The following LCMT1 variants were observed in gnomAD, a reference collection of about 807,000 sequenced individuals.
The protein encoded by LCMT1 is [Phosphatase 2A protein]-leucine-carboxy methyltransferase 1.
A neutral mutation model predicts 47.7 loss-of-function variants in LCMT1; 32 were observed. The ratio of observed to expected loss-of-function variants is 0.67; its 90% CI spans 0.51 to 0.90. The LOEUF (loss-of-function observed/expected upper bound fraction) is 0.90, where lower values mean the gene tolerates loss of function less well. Among genes scored for constraint, LCMT1 ranks in the 40% least tolerant of loss-of-function variants. The pLI is 0.00. For missense variants in LCMT1, 375 were observed against 415.2 expected, an observed-to-expected ratio of 0.90 and a Z score of 0.84; for synonymous variants, 152 against 149.7, an observed-to-expected ratio of 1.02 and a Z score of -0.11.
chr16:25,132,092 A>G (rs1014080881), intron 2 of LCMT1: 2 of 440,154 alleles, frequency 4.5e-6, no homozygotes, highest in Non-Finnish European at 4.4e-6. Context: ...TGAAAGGCAC[A>G]TTTCCAAGAT....
chr16:25,112,671 A>C (rs1959660154), intron 1 of LCMT1, among the ~76,000 whole-genome samples: 1 of 152,204 alleles, frequency 6.6e-6, no homozygotes, highest in South Asian at 2.1e-4. Context: ...TCGATGGTGG[A>C]AATACACCAA....
At chr16:25,118,479 G>C (rs1475340697) in intron 1 of LCMT1, among the ~76,000 whole-genome samples, 3 of 152,204 alleles carry the variant, frequency 2.0e-5, no homozygotes, top group Non-Finnish European at 2.9e-5. Context: ...CAATGCAGAA[G>C]TGAGCCAAAC....
chr16:25,152,523 G>A (rs1299863846), intron 5 of LCMT1, among the ~76,000 whole-genome samples: 2 of 152,162 alleles, frequency 1.3e-5, no homozygotes, highest in Non-Finnish European at 2.9e-5. Context: ...GATGTCCTTA[G>A]GTCTCTAATC....
chr16:25,119,917 T>G (rs1161565877), intron 1 of LCMT1, among the ~76,000 whole-genome samples: 2 of 151,848 alleles, frequency 1.3e-5, no homozygotes, highest in Non-Finnish European at 2.9e-5. Context: ...TCCCAGCACT[T>G]TGGGAGGCTG....
intron 5 of LCMT1, among the ~76,000 whole-genome samples, chr16:25,156,583 A>G (rs1026597935): frequency 1.3e-5 from 2 of 152,168 alleles, no homozygotes; most frequent in African/African-American, 4.8e-5. Flanking sequence ...GGGCACACTG[A>G]AGGAAGAGCT....
intron 3 of LCMT1, among the ~76,000 whole-genome samples, chr16:25,133,097 G>T (rs910627125): frequency 6.6e-6 from 1 of 152,256 alleles, no homozygotes; most frequent in African/African-American, 2.4e-5. Context: ...CTGGCCTCAA[G>T]CGATCCTCCT....
chr16:25,147,513 A>C (rs1426068729), intron 4 of LCMT1: 3 of 152,166 alleles, frequency 2.0e-5, no homozygotes, highest in Admixed American at 6.5e-5. Flanking sequence ...GCATAACTTC[A>C]TAAAAGCTTG....
intron 9 of LCMT1, among the ~76,000 whole-genome samples, chr16:25,171,054 G>A (rs1961751452): frequency 6.6e-6 from 1 of 152,032 alleles, no homozygotes; most frequent in Admixed American, 6.6e-5. Context: ...TGGCCAACAT[G>A]GTGAAACCTT....
chr16:25,146,958 A>G (rs917500243), intron 4 of LCMT1: 1 of 152,156 alleles, frequency 6.6e-6, no homozygotes, highest in African/African-American at 2.4e-5. Context: ...AGTCTCACTC[A>G]CGTGGAGACT....
intron 9 of LCMT1, among the ~76,000 whole-genome samples, chr16:25,172,033 C>T (rs1366890203): frequency 2.0e-5 from 3 of 152,132 alleles, no homozygotes; most frequent in East Asian, 1.9e-4. Context: ...GGGCCAGGTG[C>T]GGTGGCTCAC....
At chr16:25,135,281 T>TAAAAAA (rs1316661688) in intron 3 of LCMT1, among the ~76,000 whole-genome samples, 2 of 131,518 alleles carry the variant, frequency 1.5e-5, no homozygotes, top group African/African-American at 5.5e-5. Flanking sequence ...AAGTTTCTTT[T>TAAAAAA]AAAATATATA....
At chr16:25,172,435 A>G (rs1415735389) in intron 9 of LCMT1, among the ~76,000 whole-genome samples, 1 of 152,238 alleles carries the variant, frequency 6.6e-6, no homozygotes, top group Non-Finnish European at 1.5e-5. Flanking sequence ...TTGTTTATTC[A>G]TCATGTTTTC....
chr16:25,172,632 C>T (rs1157347942), intron 9 of LCMT1, among the ~76,000 whole-genome samples: 1 of 152,210 alleles, frequency 6.6e-6, no homozygotes, highest in Non-Finnish European at 1.5e-5. Context: ...AGAATTTTGG[C>T]TTTGCTTTTC....
intron 4 of LCMT1, chr16:25,142,764 G>A (rs1567317026): frequency 6.6e-6 from 1 of 152,190 alleles, no homozygotes; most frequent in East Asian, 1.9e-4. Context: ...AGTAATACAA[G>A]GAAAAGTATT....
intron 5 of LCMT1, 81 bp downstream of exon 5, chr16:25,151,696 G>GTGTGTGT (rs1961086557): frequency 4.7e-5 from 28 of 602,044 alleles, no homozygotes; most frequent in Admixed American, 4.2e-4. Flanking sequence ...GTTTGTGTTG[G>GTGTGTGT]GTGTGTGTGT....
At position 25,177,907 on chromosome 16, in the gene LCMT1, T is replaced by TG; in HGVS notation, c.983-92dup. Reference sequence around the variant, plus strand: ...GTGCTACAGTGGTCAGCAGTGTGGCTGGTGCCCCTGAGCCGGTCACTGGGG... The same window carrying TG: ...GTGCTACAGTGGTCAGCAGTGTGGCTGGGTGCCCCTGAGCCGGTCACTGGGG... On this transcript the variant is annotated intron_variant, in intron 10 of 10. Coordinates refer to ENST00000399069, the MANE Select transcript of LCMT1 (RefSeq NM_016309.3). 3 of 1,036,822 alleles carry TG rather than the reference T, an allele frequency of 2.9e-6. No homozygotes were observed. In the South Asian group the frequency reaches 3.8e-5, roughly 13 times the overall value. The allele number at this position is 1,036,822 out of a possible 1,614,324, so 64.2% of individuals were successfully genotyped here. A position where few individuals can be genotyped will look rare whatever the true frequency, so the allele number is the denominator to read the frequency against.
At chr16:25,134,776 T>A (rs1385265717) in intron 3 of LCMT1, among the ~76,000 whole-genome samples, 1 of 152,198 alleles carries the variant, frequency 6.6e-6, no homozygotes, top group Non-Finnish European at 1.5e-5. Context: ...AATTTTTGTA[T>A]TTTTAGTAGA....
At chr16:25,151,659 G>T (rs770866718) in intron 5 of LCMT1, 44 bp downstream of exon 5, 3 of 1,499,852 alleles carry the variant, frequency 2.0e-6, no homozygotes, top group Admixed American at 3.5e-5. Context: ...CAGTATTTTT[G>T]CTTCCCACCC....
intron 1 of LCMT1, among the ~76,000 whole-genome samples, chr16:25,123,952 C>T (rs992267415): frequency 1.1e-4 from 16 of 152,100 alleles, no homozygotes; most frequent in African/African-American, 3.1e-4. Context: ...AAAATGTTGA[C>T]TTCCAAAGGT....
Sources: gnomAD v4.1 joint callset for allele counts (sites outside exome capture counted in the v4.1 genomes callset) on GRCh38, gnomAD v4.1.1 for gene constraint, MANE v1.5 for transcripts, NCBI Gene and HGNC (gene_info 2026-07-23, HGNC 2026-07-21) for gene names.